Variants in PHF20 observed in about 807,000 individuals in gnomAD.
PHF20 encodes PHD finger protein 20, also known as glioma-expressed antigen 2.
A neutral mutation model predicts 113.5 loss-of-function variants in PHF20; 23 were observed. The observed-to-expected ratio is 0.20, with a 90% CI of 0.15 to 0.29. The LOEUF (loss-of-function observed/expected upper bound fraction) is 0.29. Ranked by LOEUF, PHF20 falls within the 10% of genes least tolerant of loss-of-function variation. The pLI is 1.00. For missense variants in PHF20, 943 were observed against 1,219.6 expected, an observed-to-expected ratio of 0.77 and a Z score of 3.38; for synonymous variants, 434 against 457.3, an observed-to-expected ratio of 0.95 and a Z score of 0.65.
intron 2 of PHF20, among the ~76,000 whole-genome samples, chr20:35,810,889 A>T (rs1458103473): frequency 6.6e-6 from 1 of 152,112 alleles, no homozygotes; most frequent in Non-Finnish European, 1.5e-5. Context: ...GAAAGTGGTT[A>T]TGTTTTCACC....
chr20:35,828,415 C>T (rs983608447), intron 2 of PHF20, among the ~76,000 whole-genome samples: 13 of 152,052 alleles, frequency 8.5e-5, no homozygotes, highest in African/African-American at 2.7e-4. Flanking sequence ...TTTTTCTCCC[C>T]GGCCCCATGA....
At chr20:35,813,290 A>G (rs1028295823) in intron 2 of PHF20, among the ~76,000 whole-genome samples, 1 of 152,164 alleles carries the variant, frequency 6.6e-6, no homozygotes, top group Non-Finnish European at 1.5e-5. Context: ...ATTCTTTTAA[A>G]GTGCACTTAG....
At chr20:35,820,248 G>A (rs182847785) in intron 2 of PHF20, among the ~76,000 whole-genome samples, 1 of 152,218 alleles carries the variant, frequency 6.6e-6, no homozygotes, top group East Asian at 1.9e-4. Flanking sequence ...AATTTCAGAA[G>A]GCTTCAGAAA....
intron 3 of PHF20, among the ~76,000 whole-genome samples, 171 bp from the exon 4 acceptor site, chr20:35,847,179 A>C (rs997381586): frequency 6.6e-6 from 1 of 152,174 alleles, no homozygotes; most frequent in African/African-American, 2.4e-5. Flanking sequence ...CACCGAAATT[A>C]TAGCAACTCC....
intron 9 of PHF20, chr20:35,878,808 A>G (rs2054576400): frequency 3.2e-6 from 2 of 623,250 alleles, no homozygotes; most frequent in East Asian, 2.8e-5. Context: ...GTTACGTATT[A>G]TTGTTGAAAA....
At chr20:35,830,354 T>C (rs1455641174) in intron 2 of PHF20, among the ~76,000 whole-genome samples, 1 of 152,256 alleles carries the variant, frequency 6.6e-6, no homozygotes, top group Non-Finnish European at 1.5e-5. Flanking sequence ...AATGGAATCA[T>C]GCAGTATTTG....
intron 2 of PHF20, among the ~76,000 whole-genome samples, chr20:35,813,806 C>T (rs926291902): frequency 6.6e-5 from 10 of 151,648 alleles, no homozygotes; most frequent in Middle Eastern, 3.4e-3. Context: ...TGCAGTGAGC[C>T]GAGATAGCGC....
chr20:35,784,766 G>A (rs912444065), intron 1 of PHF20, among the ~76,000 whole-genome samples: 2 of 151,984 alleles, frequency 1.3e-5, no homozygotes, highest in African/African-American at 4.8e-5. Flanking sequence ...AAAGGTTAGT[G>A]GGGGCCGGGT....
chr20:35,783,322 G>A (rs1037848907), intron 1 of PHF20, among the ~76,000 whole-genome samples: 1 of 152,164 alleles, frequency 6.6e-6, no homozygotes, highest in Admixed American at 6.5e-5. Context: ...CAGAAAATGT[G>A]TGTAAAATTC....
chr20:35,772,661 C>G (rs376986699), intron 1 of PHF20, among the ~76,000 whole-genome samples: 2 of 152,060 alleles, frequency 1.3e-5, no homozygotes, highest in Non-Finnish European at 2.9e-5. Context: ...GCCCTCCCCC[C>G]CCCAAATTTA....
chr20:35,917,860 A>G (rs1310194596), intron 13 of PHF20, among the ~76,000 whole-genome samples, 198 bp downstream of exon 13: 1 of 152,088 alleles, frequency 6.6e-6, no homozygotes, highest in Non-Finnish European at 1.5e-5. Context: ...GGAGTAAGAG[A>G]GGACTTTAGG....
chr20:35,907,140 A>G (rs899115021), intron 10 of PHF20, among the ~76,000 whole-genome samples: 1 of 152,114 alleles, frequency 6.6e-6, no homozygotes, highest in Non-Finnish European at 1.5e-5. Context: ...ACAAGCAGTT[A>G]CCCCATAGGT....
intron 1 of PHF20, among the ~76,000 whole-genome samples, chr20:35,794,434 A>T (rs1201461675): frequency 6.6e-6 from 1 of 152,172 alleles, no homozygotes; most frequent in Admixed American, 6.5e-5. Flanking sequence ...CCTGGCACAC[A>T]GCAGGCTCTC....
At chr20:35,841,832 C>CAA (rs1302542876) in intron 2 of PHF20, among the ~76,000 whole-genome samples, 1 of 152,048 alleles carries the variant, frequency 6.6e-6, no homozygotes, top group Non-Finnish European at 1.5e-5. Flanking sequence ...CTTATAAATG[C>CAA]TTAAAATTGA....
chr20:35,805,005 G>A (rs1434332666), intron 2 of PHF20, among the ~76,000 whole-genome samples: 1 of 151,304 alleles, frequency 6.6e-6, no homozygotes, highest in Non-Finnish European at 1.5e-5. Context: ...AGGTTCAAGC[G>A]ATTCTCGTGC....
intron 9 of PHF20, among the ~76,000 whole-genome samples, chr20:35,889,009 C>CTT (rs566960589): frequency 9.7e-4 from 96 of 99,206 alleles, no homozygotes; most frequent in Non-Finnish European, 1.2e-3. Flanking sequence ...CTCTTAGTTT[C>CTT]TTTTTTTTTT....
chr20:35,911,253 A>G (rs189988372), intron 10 of PHF20, among the ~76,000 whole-genome samples: 12 of 151,894 alleles, frequency 7.9e-5, no homozygotes, highest in Admixed American at 5.9e-4. Context: ...CATGTTAGCC[A>G]GGATGGTCTC....
At chr20:35,878,590 A>T in intron 9 of PHF20, 1 of 762,922 alleles carries the variant, frequency 1.3e-6, no homozygotes, top group Non-Finnish European at 2.4e-6. Flanking sequence ...TTGCATATGG[A>T]TTATACAAAT....
At chr20:35,790,384 A>G (rs2041520775) in intron 1 of PHF20, among the ~76,000 whole-genome samples, 1 of 151,718 alleles carries the variant, frequency 6.6e-6, no homozygotes, top group Non-Finnish European at 1.5e-5. Context: ...TGTTTTTAGT[A>G]GAGGCGGGAT....
Sources: gnomAD v4.1 joint callset for allele counts (sites outside exome capture counted in the v4.1 genomes callset) on GRCh38, gnomAD v4.1.1 for gene constraint, MANE v1.5 for transcripts, NCBI Gene and HGNC (gene_info 2026-07-23, HGNC 2026-07-21) for gene names.